Variants in GEMIN7 observed in about 807,000 individuals in gnomAD.
The protein encoded by GEMIN7 is gem nuclear organelle associated protein 7.
GEMIN7 carries 7 observed loss-of-function variants against 7.8 expected under a neutral mutation model. That is an observed-to-expected ratio of 0.90 (90% CI 0.51 to 1.69). The LOEUF is 1.69. Ranked by LOEUF, GEMIN7 falls within the 40% of genes most tolerant of loss-of-function variation. The pLI is 0.00. For missense variants in GEMIN7, 159 were observed against 176.2 expected (o/e 0.90, Z 0.55); for synonymous variants, 68 against 72.4 (o/e 0.94, Z 0.31).
In GEMIN7 at chr19:45,090,497, C is replaced by T. The variant is rs771471568; in HGVS notation, c.383C>T (p.Thr128Ile). ...CGATGTAGTGACATTATTTCATATA[C>T]CTTCAAGCCATAAAGATATTGTGTT... is the stretch of plus-strand genomic sequence containing the variant. ...LLRCSDIISY[T>I]FKP The change falls in exon 3 of 3, where the codon ACC (threonine) becomes ATC (isoleucine). Residue 128 changes from threonine to isoleucine, a missense_variant. Physicochemically the swap from Thr to Ile is moderately conservative, Grantham distance 89. Transcript: ENST00000270257. 6.2e-6 allele frequency: 10 copies of T among 1,606,760 alleles called. No homozygotes were observed. In the Admixed American group the frequency reaches 1.5e-4, roughly 24 times the overall value.
Position 45,090,095 on chromosome 19 carries a change from T to G in GEMIN7, c.-8-12T>G, listed in dbSNP as rs754105118. On this transcript the variant is annotated splice_polypyrimidine_tract_variant and intron_variant, in intron 2 of 2. Coordinates refer to ENST00000270257, the MANE Select transcript of GEMIN7 (RefSeq NM_024707.3). ...ATGTAATGACTTCCTGCTCTTTTTCTTCACTCAACAGCCAAGACAATGCAA... is the reference window on the plus strand; with the variant it reads ...ATGTAATGACTTCCTGCTCTTTTTCGTCACTCAACAGCCAAGACAATGCAA... 1 of 1,590,602 alleles carries G rather than the reference T, an allele frequency of 6.3e-7. No individual in the cohort carries two copies. Among genetic ancestry groups the G allele is most frequent in the Admixed American group, 1.7e-5 (1 of 57,634 alleles).
chr19:45,080,976 T>C (rs978675690), intron 2 of GEMIN7, among the ~76,000 whole-genome samples: 2 of 152,012 alleles, frequency 1.3e-5, no homozygotes, highest in Non-Finnish European at 2.9e-5. Flanking sequence ...TGGTGAGGCC[T>C]GACTAAATTG....
intron 2 of GEMIN7, among the ~76,000 whole-genome samples, chr19:45,086,458 G>A (rs946920083): frequency 6.6e-6 from 1 of 152,112 alleles, no homozygotes; most frequent in African/African-American, 2.4e-5. Context: ...CACCCACAAG[G>A]CCAGCATTTC....
chr19:45,086,817 G>T (rs1033468234), intron 2 of GEMIN7, among the ~76,000 whole-genome samples: 1 of 151,726 alleles, frequency 6.6e-6, no homozygotes, highest in Non-Finnish European at 1.5e-5. Context: ...AAACCGGCCT[G>T]GGATCTCCAC....
At chr19:45,086,533 G>A (rs556200955) in intron 2 of GEMIN7, among the ~76,000 whole-genome samples, 1 of 152,130 alleles carries the variant, frequency 6.6e-6, no homozygotes, top group Non-Finnish European at 1.5e-5. Flanking sequence ...AAACATGGTA[G>A]GTTAGTTAGG....
chr19:45,075,966 A>T (rs1343177380), upstream of GEMIN7: 1 of 1,583,594 alleles, frequency 6.3e-7, no homozygotes, highest in African/African-American at 1.3e-5. Context: ...CCTGAGGGGC[A>T]GGACGGGGCG....
At chr19:45,081,795 T>G (rs1967513736) in intron 2 of GEMIN7, among the ~76,000 whole-genome samples, 1 of 152,042 alleles carries the variant, frequency 6.6e-6, no homozygotes, top group African/African-American at 2.4e-5. Flanking sequence ...CCCAGCTAAC[T>G]TTTGTATTTT....
upstream of GEMIN7, chr19:45,075,680 C>A: frequency 1.2e-6 from 2 of 1,606,772 alleles, no homozygotes; most frequent in Non-Finnish European, 1.7e-6. Context: ...AGCCCTCGAA[C>A]TTGAGAGGGG....
At chr19:45,084,579 CGTTT>C (rs982003806) in intron 2 of GEMIN7, among the ~76,000 whole-genome samples, 21 of 150,360 alleles carry the variant, frequency 1.4e-4, no homozygotes, top group African/African-American at 2.2e-4. Context: ...ATTTTTGGGG[CGTTT>C]GTTTGTTTTT....
chr19:45,090,194 CTGATGGACGCAGAGCCCCCT>C lies in GEMIN7; in HGVS notation c.84_103del (p.Asp28GlufsTer6). 1 of 1,614,202 alleles carries C rather than the reference CTGATGGACGCAGAGCCCCCT, an allele frequency of 6.2e-7. No individual in the cohort carries two copies. The highest frequency in any genetic ancestry group is 2.2e-5 in the East Asian group (1 of 44,894). On this transcript the variant is annotated frameshift_variant, in exon 3 of 3. Transcript: ENST00000270257. LOFTEE classifies it high-confidence loss of function. ...GATGGCTTCAGCCGTGGCTTTGCCC[CTGATGGACGCAGAGCCCCCT>C]TGAGGCCAGAGGTTCCTGAAATCCA... is the stretch of plus-strand genomic sequence containing the variant.
rs755086516 is a variant in GEMIN7, at chr19:45,090,209, C to T, written c.95C>T (p.Ala32Val). 1.2e-6 allele frequency: 2 copies of T among 1,614,050 alleles called. No individual in the cohort carries two copies. Among genetic ancestry groups the T allele is most frequent in the Non-Finnish European group, 1.7e-6 (2 of 1,180,036 alleles). The change falls in exon 3 of 3, where the codon GCC becomes GTC. Residue 32 changes from alanine to valine, a missense_variant. Coordinates refer to ENST00000270257, the MANE Select transcript of GEMIN7 (RefSeq NM_024707.3). ...SRGFAPDGRR[A>V]PLRPEVPEIQ... ...GGCTTTGCCCCTGATGGACGCAGAG[C>T]CCCCTTGAGGCCAGAGGTTCCTGAA...
intron 2 of GEMIN7, among the ~76,000 whole-genome samples, chr19:45,081,271 A>T (rs1414499465): frequency 6.6e-6 from 1 of 152,184 alleles, no homozygotes; most frequent in African/African-American, 2.4e-5. Context: ...AGCCTGGCCA[A>T]CGTGGCCAAA....
chr19:45,083,376 G>A (rs988916468), intron 2 of GEMIN7, among the ~76,000 whole-genome samples: 2 of 151,976 alleles, frequency 1.3e-5, no homozygotes, highest in Non-Finnish European at 2.9e-5. Flanking sequence ...GAACCCAGGA[G>A]GCAGAGGTTG....
chr19:45,079,662 T>C (rs1967432639), intron 1 of GEMIN7, among the ~76,000 whole-genome samples: 1 of 151,402 alleles, frequency 6.6e-6, no homozygotes, highest in Non-Finnish European at 1.5e-5. Context: ...GTGTGGGGAG[T>C]GGACGCCTGG....
chr19:45,089,663 A>C (rs1600146115), intron 2 of GEMIN7, among the ~76,000 whole-genome samples: 1 of 152,158 alleles, frequency 6.6e-6, no homozygotes, highest in East Asian at 1.9e-4. Context: ...CAGCCTCCTG[A>C]GTAGCCCAGC....
chr19:45,082,072 A>G (rs1025383134), intron 2 of GEMIN7, among the ~76,000 whole-genome samples: 15 of 152,032 alleles, frequency 9.9e-5, no homozygotes, highest in African/African-American at 3.6e-4. Context: ...TTTATTGTCC[A>G]TGCAGCAGGC....
At chr19:45,075,719 C>A (rs764219904), upstream of GEMIN7, 14 of 1,613,962 alleles carry the variant, frequency 8.7e-6, no homozygotes, top group Non-Finnish European at 1.2e-5. Context: ...TCACCTGAGC[C>A]CTGGCCGCGG....
At chr19:45,084,763 T>C (rs1484239328) in intron 2 of GEMIN7, among the ~76,000 whole-genome samples, 2 of 152,228 alleles carry the variant, frequency 1.3e-5, no homozygotes, top group African/African-American at 4.8e-5. Context: ...TATTTATTTA[T>C]TTATTTTTTG....
upstream of GEMIN7, among the ~76,000 whole-genome samples, chr19:45,078,974 C>T (rs1967411934): frequency 6.6e-6 from 1 of 152,182 alleles, no homozygotes. Flanking sequence ...AAAGACCGAG[C>T]TCTGCCCTTA....
Sources: gnomAD v4.1 joint callset for allele counts (sites outside exome capture counted in the v4.1 genomes callset) on GRCh38, gnomAD v4.1.1 for gene constraint, MANE v1.5 for transcripts, NCBI Gene and HGNC (gene_info 2026-07-23, HGNC 2026-07-21) for gene names.